Variants in AKAP13 observed in about 807,000 individuals in gnomAD.
AKAP13 encodes the protein A-kinase anchoring protein 13, also known as A-kinase anchor protein 13.
AKAP13 carries 80 observed loss-of-function variants against 264.5 expected under a neutral mutation model. The observed-to-expected ratio is 0.30, with a 90% CI of 0.25 to 0.36. AKAP13 has a LOEUF of 0.36. Ranked by LOEUF, AKAP13 falls within the 10% of genes least tolerant of loss-of-function variation. The pLI is 1.00. For synonymous variants in AKAP13, 1,380 were observed against 1,250.2 expected (o/e 1.10, Z -2.19); for missense variants, 3,712 against 3,435.2 (o/e 1.08, Z -2.01).
intron 2 of AKAP13, among the ~76,000 whole-genome samples, chr15:85,509,551 C>T (rs2076349569): frequency 6.6e-6 from 1 of 152,162 alleles, no homozygotes; most frequent in African/African-American, 2.4e-5. Context: ...TTTACGTTCT[C>T]ATCCTAAGGA....
Position 85,405,333 on chromosome 15 carries a change from T to C in AKAP13, c.-12+24535T>C, listed in dbSNP as rs562900016. Among the ~76,000 whole-genome samples the C allele has an allele frequency of 2.0e-5, 3 of 152,364 alleles. No homozygotes were observed. The East Asian group carries it at 5.8e-4, about 29-fold the overall frequency. On this transcript the variant is annotated intron_variant, in intron 1 of 36. Transcript: ENST00000394518. ...CCAGATTCTAGTTTAGTTTGGCTTC[T>C]AGCTCACTTTGTTAACTTTGGTTGT...
intron 1 of AKAP13, among the ~76,000 whole-genome samples, chr15:85,464,759 C>G (rs2074658966): frequency 6.6e-6 from 1 of 152,262 alleles, no homozygotes; most frequent in South Asian, 2.1e-4. Context: ...AAATTTGTAT[C>G]AACATCTCTC....
At chr15:85,678,223 T>C (rs1303556935) in intron 14 of AKAP13, among the ~76,000 whole-genome samples, 1 of 152,224 alleles carries the variant, frequency 6.6e-6, no homozygotes, top group Non-Finnish European at 1.5e-5. Context: ...AAAATTGTTT[T>C]TATATAACTA....
intron 1 of AKAP13, among the ~76,000 whole-genome samples, chr15:85,403,829 C>T (rs2071541322): frequency 7.4e-6 from 1 of 134,846 alleles, no homozygotes. Flanking sequence ...TCCTGGGCAA[C>T]AAGAGCAAAA....
intron 2 of AKAP13, among the ~76,000 whole-genome samples, chr15:85,508,824 C>G (rs1480951118): frequency 6.6e-6 from 1 of 152,152 alleles, no homozygotes; most frequent in Non-Finnish European, 1.5e-5. Context: ...ACTTCCCTTG[C>G]ACTCGATATA....
At position 85,572,424 on chromosome 15, in the gene AKAP13, C is replaced by T. The variant is rs1388647036; in HGVS notation, c.663-2707C>T. On this transcript the variant is annotated intron_variant, in intron 5 of 36. Coordinates refer to ENST00000394518, the MANE Select transcript of AKAP13 (RefSeq NM_007200.5). Reference sequence around the variant, plus strand: ...TTCTTGAGTCGTTTCTTTGAACTGTCGAGAGTATTTTACAAGTGCTTTTCT... The same window carrying T: ...TTCTTGAGTCGTTTCTTTGAACTGTTGAGAGTATTTTACAAGTGCTTTTCT... Among the ~76,000 whole-genome samples, 7 of 152,144 alleles carry T rather than the reference C, an allele frequency of 4.6e-5. No individual in the cohort carries two copies. In the South Asian group the frequency reaches 6.2e-4, roughly 14 times the overall value.
chr15:85,716,001 G>C, intron 20 of AKAP13, 78 bp downstream of exon 20: 3 of 1,290,714 alleles, frequency 2.3e-6, no homozygotes, highest in Non-Finnish European at 3.1e-6. Context: ...ATGACAAAAA[G>C]CTTTTTTTTT....
intron 1 of AKAP13, chr15:85,389,770 A>G (rs532255635): frequency 6.6e-6 from 1 of 152,404 alleles, no homozygotes; most frequent in South Asian, 2.1e-4. Flanking sequence ...TGCTATGGTG[A>G]TGAACAGAAA....
In AKAP13 at chr15:85,581,904, C is replaced by T; in HGVS notation, c.3836C>T (p.Ser1279Leu). The T allele has an allele frequency of 6.2e-7, 1 of 1,614,218 alleles. No individual in the cohort carries two copies. Among genetic ancestry groups the T allele is most frequent in the Non-Finnish European group, 8.5e-7 (1 of 1,180,020 alleles). Reference sequence around the variant, plus strand: ...ACTGAGGGGGAGGCCTGTCACATGTCACTGTCCAGCCCTGAGTTGGGTCCT... The same window carrying T: ...ACTGAGGGGGAGGCCTGTCACATGTTACTGTCCAGCCCTGAGTTGGGTCCT... Reference protein sequence around the residue: ...LLTEGEACHMSLSSPELGPLT... With the variant: ...LLTEGEACHMLLSSPELGPLT... Residue 1279 changes from serine (S) to leucine (L), a missense_variant, in exon 7 of 37, where the codon TCA (serine) becomes TTA (leucine). By Grantham distance (145) the Ser-to-Leu change is moderately radical. Around this residue, in one of 3 missense-constraint regions of AKAP13, gnomAD observed 2,759 missense variants for 2,411.7 expected, o/e 1.14. Transcript: ENST00000394518.
At chr15:85,404,422 A>G (rs2071573102) in intron 1 of AKAP13, among the ~76,000 whole-genome samples, 1 of 152,190 alleles carries the variant, frequency 6.6e-6, no homozygotes, top group African/African-American at 2.4e-5. Context: ...TGAAGTATTT[A>G]TTTATCATCA....
At chr15:85,556,889 T>G (rs1303132215) in intron 5 of AKAP13, among the ~76,000 whole-genome samples, 4 of 152,234 alleles carry the variant, frequency 2.6e-5, no homozygotes, top group Non-Finnish European at 5.9e-5. Flanking sequence ...AGCACCTGTT[T>G]TATTTTCCTT....
intron 1 of AKAP13, among the ~76,000 whole-genome samples, chr15:85,434,209 C>T (rs1182872230): frequency 1.3e-5 from 2 of 151,964 alleles, no homozygotes; most frequent in Middle Eastern, 3.2e-3. Context: ...AAAGGGGTGA[C>T]GGACGCACCT....
At chr15:85,399,323 C>T (rs555862737) in intron 1 of AKAP13, among the ~76,000 whole-genome samples, 77 of 149,130 alleles carry the variant, frequency 5.2e-4, no homozygotes, top group Non-Finnish European at 9.1e-4. Flanking sequence ...GGTGAAACCC[C>T]GTCTCTACTA....
At chr15:85,709,823 G>T (rs1284606895) in intron 18 of AKAP13, among the ~76,000 whole-genome samples, 2 of 152,186 alleles carry the variant, frequency 1.3e-5, no homozygotes, top group East Asian at 1.9e-4. Context: ...AAGTAGCTGA[G>T]ATTACAGGTG....
intron 1 of AKAP13, among the ~76,000 whole-genome samples, chr15:85,447,711 T>C (rs1451024960): frequency 6.6e-6 from 1 of 152,264 alleles, no homozygotes; most frequent in African/African-American, 2.4e-5. Flanking sequence ...TCATTCTTTT[T>C]AATGGCTATG....
rs1184860271 is a variant in AKAP13 at position 85,655,686 on chromosome 15, C to T, written c.4644C>T (p.Cys1548=). 1 of 1,614,100 alleles carries T rather than the reference C, an allele frequency of 6.2e-7. No individual in the cohort carries two copies. The highest frequency in any genetic ancestry group is 8.5e-7 in the Non-Finnish European group (1 of 1,180,050). ...GTATCACTGAAGTGCCTGCAAACTG[C>T]TCTGTCCTAAGGAGCTCCATGCGCT... is the stretch of plus-strand genomic sequence containing the variant. ...MDSITEVPAN[C]SVLRSSMRSL... is the part of the protein sequence containing the mutation. The change falls in exon 11 of 37, where the codon TGC becomes TGT. Residue 1548 remains cysteine, a synonymous_variant. Transcript: ENST00000394518.
chr15:85,735,096 C>T lies in AKAP13; in HGVS notation c.7387C>T (p.Arg2463Trp), dbSNP rs759792670. The change falls in exon 31 of 37, where the codon CGG (arginine) becomes TGG (tryptophan). Residue 2463 changes from arginine (R) to tryptophan (W), a missense_variant. Coordinates refer to ENST00000394518, the MANE Select transcript of AKAP13 (RefSeq NM_007200.5). ...TGTGGTCGGTCCCGTTTCCCTGCCC[C>T]GGAGAGCAGAGACCTTTGGAGGATT... ...QDVVGPVSLP[R>W]RAETFGGFDS... The T allele has an allele frequency of 1.5e-5, 24 of 1,614,014 alleles. No homozygotes were observed. The highest frequency in any genetic ancestry group is 6.7e-5 in the African/African-American group (5 of 74,916).
intron 14 of AKAP13, among the ~76,000 whole-genome samples, chr15:85,670,221 C>A (rs141654367): frequency 6.6e-6 from 1 of 152,014 alleles, no homozygotes; most frequent in South Asian, 2.1e-4. Flanking sequence ...ATACTTGTTT[C>A]GCCAGCCTCT....
intron 1 of AKAP13, among the ~76,000 whole-genome samples, chr15:85,387,019 CTTTTTCTTT>C (rs1479232264): frequency 1.3e-5 from 2 of 151,960 alleles, no homozygotes; most frequent in East Asian, 1.9e-4. Context: ...CTGGGTTTTT[CTTTTTCTTT>C]TTTTTCTTTT....
Sources: gnomAD v4.1 joint callset for allele counts (sites outside exome capture counted in the v4.1 genomes callset) on GRCh38, gnomAD v4.1.1 for gene constraint, gnomAD v4.1.1 regional missense constraint, MANE v1.5 for transcripts, NCBI Gene and HGNC (gene_info 2026-07-23, HGNC 2026-07-21) for gene names.